The following HHLA1 variants were observed in gnomAD, a reference collection of about 807,000 sequenced individuals.
HHLA1 encodes the protein HERV-H LTR-associating protein 1.
HHLA1 carries 72 observed loss-of-function variants against 69.9 expected under a neutral mutation model. That is an observed-to-expected ratio of 1.03 (90% confidence interval 0.85 to 1.25). The LOEUF (loss-of-function observed/expected upper bound fraction) is 1.25, where lower values mean the gene tolerates loss of function less well. Ranked by LOEUF, HHLA1 falls within the 50% of genes most tolerant of loss-of-function variation. The probability of loss-of-function intolerance (pLI) is 0.00; values close to 1 mark genes in which losing one functional copy is unlikely to be tolerated. For missense variants in HHLA1, 685 were observed against 642.2 expected (o/e 1.07, Z -0.72); for synonymous variants, 252 against 233.2 (o/e 1.08, Z -0.73).
At chr8:132,070,171 C>G (rs1454136175) in intron 15 of HHLA1, 2 of 568,566 alleles carry the variant, frequency 3.5e-6, no homozygotes, top group African/African-American at 3.8e-5. Context: ...GATTGGTATC[C>G]AGGCCACTGG....
chr8:132,101,816 C>A (rs1202842387), intron 3 of HHLA1, among the ~76,000 whole-genome samples: 1 of 152,192 alleles, frequency 6.6e-6, no homozygotes, highest in African/African-American at 2.4e-5. Context: ...TCATGATCTG[C>A]CTGCCTCGGC....
In HHLA1 at chr8:132,071,454, G is replaced by A. The variant is rs751019199; in HGVS notation, c.1355C>T (p.Ala452Val). 4 of 1,551,668 alleles carry A rather than the reference G, an allele frequency of 2.6e-6. No individual in the cohort carries two copies. Among genetic ancestry groups the A allele is most frequent in the Non-Finnish European group, 3.5e-6 (4 of 1,146,946 alleles). Residue 452 changes from alanine (A) to valine (V), a missense_variant, in exon 15 of 17, where the codon GCT (alanine) becomes GTT (valine). By Grantham distance (64) the Ala-to-Val change is moderately conservative. Transcript: ENST00000414222. ...CTGAATAGCCAGGGTGAGAGGAGCA[G>A]CTGCCATAGCTCCCACCTTGAAGAG... ...QPLFKVGAMAAAPLTLAIQRL... is the reference protein window; with the variant it reads ...QPLFKVGAMAVAPLTLAIQRL...
Position 132,076,063 on chromosome 8 carries a change from TG to T in HHLA1, c.1306del (p.Gln436LysfsTer31). 1.3e-6 allele frequency: 2 copies of T among 1,551,034 alleles called. No individual in the cohort carries two copies. The highest frequency in any genetic ancestry group is 1.7e-6 in the Non-Finnish European group (2 of 1,146,502). On this transcript the variant is annotated frameshift_variant, in exon 14 of 17. Coordinates refer to ENST00000414222, the MANE Select transcript of HHLA1 (RefSeq NM_001145095.3). LOFTEE classifies it high-confidence loss of function. ...TGGGCACTGGTACTTACTTGAAACTTGATGGGGTCTTGGGACCAGGACTGGC... is the reference window on the plus strand; with the variant it reads ...TGGGCACTGGTACTTACTTGAAACTTATGGGGTCTTGGGACCAGGACTGGC... ...EEPVLVPRPHQVSRCPQPLFK... is the reference protein window; with the variant it reads ...EEPVLVPRPHXVSRCPQPLFK...
At position 132,076,125 on chromosome 8, in the gene HHLA1, A is replaced by G; in HGVS notation, c.1245T>C (p.Asp415=). 1.3e-6 allele frequency: 2 copies of G among 1,550,532 alleles called. No individual in the cohort carries two copies. Among genetic ancestry groups the G allele is most frequent in the Non-Finnish European group, 8.7e-7 (1 of 1,146,338 alleles). ...ATAPRYPQTG[D]LSAEWPFTAG... is the part of the protein sequence containing the mutation. Reference sequence around the variant, plus strand: ...CAGTGAATGGCCACTCTGCAGAGAGATCACCTGCAAAGGGCAGGAATGGCC... The same window carrying G: ...CAGTGAATGGCCACTCTGCAGAGAGGTCACCTGCAAAGGGCAGGAATGGCC... Residue 415 remains aspartate, a synonymous_variant, in exon 14 of 17, where the codon GAT becomes GAC. Coordinates refer to ENST00000414222, the MANE Select transcript of HHLA1 (RefSeq NM_001145095.3).
Position 132,077,910 on chromosome 8 carries a change from T to A in HHLA1, c.987A>T (p.Ile329=), listed in dbSNP as rs200624816. 1.5e-5 allele frequency: 24 copies of A among 1,551,570 alleles called. No homozygotes were observed. The East Asian group carries it at 5.1e-4, about 33-fold the overall frequency. ...TGGTCTGAGCCCAGGGCACGGACGA[T>A]ATGGAAGCCCACGTCTGTCTGTCAG... ...LTADRQTWAS[I]SSVPWAQTIS... is the part of the protein sequence containing the mutation. The change falls in exon 12 of 17, where the codon ATA becomes ATT. Residue 329 remains isoleucine (I), a synonymous_variant. Transcript: ENST00000414222.
At chr8:132,070,865 ACTCAACTCAT>A (rs1318044506) in intron 15 of HHLA1, among the ~76,000 whole-genome samples, 1 of 151,464 alleles carries the variant, frequency 6.6e-6, no homozygotes, top group Non-Finnish European at 1.5e-5. Context: ...ACTCAACACA[ACTCAACTCAT>A]CTCAACTCAT....
chr8:132,077,624 C>G lies in HHLA1; in HGVS notation c.1171+102G>C. On this transcript the variant is annotated intron_variant, in intron 12 of 16. Coordinates refer to ENST00000414222, the MANE Select transcript of HHLA1 (RefSeq NM_001145095.3). ...ATGATCATTATGTTTTCTTAGTTTT[C>G]TGTGTGTGTATTATATTCCAAAAAT... The G allele has an allele frequency of 4.3e-6, 5 of 1,156,912 alleles. 1 individual carries two copies. The highest frequency in any genetic ancestry group is 4.0e-4 in the Middle Eastern group (2 of 4,962). 71.7% of individuals were successfully genotyped at this position (1,156,912 alleles called of 1,614,324 possible). A position where few individuals can be genotyped will look rare whatever the true frequency, so the allele number is the denominator to read the frequency against.
chr8:132,084,230 AT>A (rs1823819335), intron 10 of HHLA1, among the ~76,000 whole-genome samples: 1 of 152,012 alleles, frequency 6.6e-6, no homozygotes, highest in South Asian at 2.1e-4. Flanking sequence ...TGATAAAAAG[AT>A]TATAGGGTGG....
intron 3 of HHLA1, 35 bp downstream of exon 3, chr8:132,104,073 A>G: frequency 6.7e-7 from 1 of 1,489,066 alleles, no homozygotes; most frequent in Non-Finnish European, 9.2e-7. Context: ...GCCCAAGAAC[A>G]GTGAGCTGAA....
intron 1 of HHLA1, among the ~76,000 whole-genome samples, chr8:132,107,354 G>T (rs550348756): frequency 9.2e-5 from 14 of 152,202 alleles, no homozygotes; most frequent in African/African-American, 3.1e-4. Context: ...AGGCTGGAGT[G>T]CAGTGGTACG....
chr8:132,086,860 T>G (rs1230383989), intron 10 of HHLA1, among the ~76,000 whole-genome samples: 1 of 152,180 alleles, frequency 6.6e-6, no homozygotes, highest in Non-Finnish European at 1.5e-5. Context: ...AGTTGCAGAT[T>G]TATTGTATCC....
chr8:132,110,595 ACCAAG>A (rs1296093174), intron 1 of HHLA1, among the ~76,000 whole-genome samples: 1 of 152,242 alleles, frequency 6.6e-6, no homozygotes, highest in Non-Finnish European at 1.5e-5. Flanking sequence ...GCTTTAGGAA[ACCAAG>A]CCTCAGACAA....
intron 14 of HHLA1, among the ~76,000 whole-genome samples, chr8:132,074,512 G>A (rs1290405360): frequency 6.6e-6 from 1 of 152,060 alleles, no homozygotes; most frequent in African/African-American, 2.4e-5. Flanking sequence ...AGTAAAAATA[G>A]GCCTAGCATA....
At chr8:132,093,782 A>G (rs1455678832) in intron 7 of HHLA1, among the ~76,000 whole-genome samples, 2 of 152,192 alleles carry the variant, frequency 1.3e-5, no homozygotes, top group Non-Finnish European at 2.9e-5. Context: ...CACCCAGCAC[A>G]GACTTCTATC....
intron 10 of HHLA1, among the ~76,000 whole-genome samples, chr8:132,084,575 C>T (rs1162411307): frequency 3.3e-5 from 5 of 152,056 alleles, no homozygotes; most frequent in East Asian, 3.9e-4. Flanking sequence ...GAACTACTGT[C>T]GAGTTTGTAC....
chr8:132,071,899 A>ATGCATGTGTGTGTGCAGGG (rs1823551642), intron 14 of HHLA1, among the ~76,000 whole-genome samples: 1 of 151,964 alleles, frequency 6.6e-6, no homozygotes, highest in Non-Finnish European at 1.5e-5. Context: ...AGGTATGTAT[A>ATGCATGTGTGTGTGCAGGG]TGCATGTGTG....
chr8:132,070,601 C>T (rs1042500137), intron 15 of HHLA1, among the ~76,000 whole-genome samples: 10 of 152,146 alleles, frequency 6.6e-5, no homozygotes, highest in African/African-American at 2.4e-4. Context: ...CTCAACTCAA[C>T]TCATCTCAAC....
chr8:132,098,919 T>C lies in HHLA1; in HGVS notation c.243A>G (p.Thr81=), dbSNP rs76625657. 31,599 of 1,550,108 alleles carry C rather than the reference T, an allele frequency of 0.02. 589 individuals are homozygous for C. Among genetic ancestry groups the C allele is most frequent in the African/African-American group, 0.09 (6,575 of 72,980 alleles). Reference sequence around the variant, plus strand: ...TACTGAGCATCCCATTCACAAGCTCTGTCAGGTTAAGCGCGGACAGATCGA... The same window carrying C: ...TACTGAGCATCCCATTCACAAGCTCCGTCAGGTTAAGCGCGGACAGATCGA... ...RSIDLSALNL[T]ELVNGMLSRA... The change falls in exon 5 of 17, where the codon ACA becomes ACG. Residue 81 remains threonine, a synonymous_variant. Transcript: ENST00000414222.
intron 7 of HHLA1, 109 bp downstream of exon 7, chr8:132,095,410 T>C (rs76824771): frequency 0.018 from 11,728 of 663,238 alleles, 156 homozygotes; most frequent in Middle Eastern, 0.026. Context: ...TTAAGGGTAG[T>C]GGATAGGACC....
Sources: gnomAD v4.1 joint callset for allele counts (sites outside exome capture counted in the v4.1 genomes callset) on GRCh38, gnomAD v4.1.1 for gene constraint, MANE v1.5 for transcripts, NCBI Gene and HGNC (gene_info 2026-07-23, HGNC 2026-07-21) for gene names.